The following ST6GALNAC3 variants were observed in gnomAD, a reference collection of about 807,000 sequenced individuals.
ST6GALNAC3 encodes alpha-N-acetylgalactosaminide alpha-2,6-sialyltransferase 3.
ST6GALNAC3 carries 25 observed loss-of-function variants against 32.7 expected under a neutral mutation model. The observed-to-expected ratio is 0.76, with a 90% confidence interval of 0.56 to 1.07. The LOEUF is 1.07. Ranked by LOEUF, ST6GALNAC3 falls within the 50% of genes least tolerant of loss-of-function variation. ST6GALNAC3 has a pLI of 0.00. For missense variants in ST6GALNAC3, 355 were observed against 382.4 expected, an observed-to-expected ratio of 0.93 and a Z score of 0.60; for synonymous variants, 129 against 133.1, an observed-to-expected ratio of 0.97 and a Z score of 0.21.
At chr1:76,214,790 T>G (rs891772154) in intron 1 of ST6GALNAC3, among the ~76,000 whole-genome samples, 3 of 152,180 alleles carry the variant, frequency 2.0e-5, no homozygotes, top group Admixed American at 1.3e-4. Flanking sequence ...GAAGAAATGG[T>G]TACTGGGTCG....
intron 3 of ST6GALNAC3, among the ~76,000 whole-genome samples, chr1:76,584,796 A>G (rs1311505821): frequency 1.3e-5 from 2 of 152,228 alleles, no homozygotes; most frequent in Non-Finnish European, 2.9e-5. Flanking sequence ...GGTTGAATTG[A>G]GCTTTCTCAA....
intron 1 of ST6GALNAC3, among the ~76,000 whole-genome samples, chr1:76,083,873 ATT>A (rs2100729682): frequency 6.6e-6 from 1 of 152,280 alleles, no homozygotes; most frequent in East Asian, 1.9e-4. Context: ...TTTGATTTGT[ATT>A]TTGATTTTAC....
intron 3 of ST6GALNAC3, among the ~76,000 whole-genome samples, chr1:76,439,995 G>A (rs1019472634): frequency 7.2e-5 from 11 of 152,184 alleles, no homozygotes; most frequent in South Asian, 2.1e-4. Context: ...ACGTGTTTAC[G>A]TATGTTACAT....
At chr1:76,154,534 C>T (rs886914025) in intron 1 of ST6GALNAC3, among the ~76,000 whole-genome samples, 5 of 152,180 alleles carry the variant, frequency 3.3e-5, no homozygotes, top group African/African-American at 1.2e-4. Context: ...GTTTGTGTTT[C>T]GTTAGTGAAA....
intron 1 of ST6GALNAC3, among the ~76,000 whole-genome samples, chr1:76,226,670 C>G (rs956498324): frequency 6.6e-6 from 1 of 152,036 alleles, no homozygotes; most frequent in African/African-American, 2.4e-5. Context: ...CATCTTACAT[C>G]GCAGGAGCAG....
intron 1 of ST6GALNAC3, among the ~76,000 whole-genome samples, chr1:76,105,037 A>G (rs1042766575): frequency 6.6e-6 from 1 of 152,196 alleles, no homozygotes; most frequent in African/African-American, 2.4e-5. Context: ...AATCATATCA[A>G]AAGTTTTATC....
chr1:76,530,165 T>C (rs927317381), intron 3 of ST6GALNAC3, among the ~76,000 whole-genome samples: 17 of 152,186 alleles, frequency 1.1e-4, no homozygotes, highest in African/African-American at 3.9e-4. Flanking sequence ...AGCAAAATGG[T>C]AGCTTTTATT....
intron 2 of ST6GALNAC3, among the ~76,000 whole-genome samples, chr1:76,376,114 T>TTA (rs577234468): frequency 4.4e-4 from 66 of 150,346 alleles, no homozygotes; most frequent in African/African-American, 1.1e-3. Context: ...TTTTTTTTTT[T>TTA]AAAAAAAGAA....
chr1:76,406,658 A>C (rs531856552), intron 2 of ST6GALNAC3, among the ~76,000 whole-genome samples: 1 of 152,206 alleles, frequency 6.6e-6, no homozygotes, highest in African/African-American at 2.4e-5. Context: ...AAAATAATTT[A>C]AATATAATAG....
chr1:76,208,342 G>T (rs1557697407), intron 1 of ST6GALNAC3, among the ~76,000 whole-genome samples: 2 of 152,204 alleles, frequency 1.3e-5, no homozygotes, highest in Non-Finnish European at 2.9e-5. Flanking sequence ...CACAAATTTA[G>T]CCACTGTTTG....
chr1:76,469,656 C>T (rs1179178724), intron 3 of ST6GALNAC3, among the ~76,000 whole-genome samples: 2 of 152,084 alleles, frequency 1.3e-5, no homozygotes, highest in Non-Finnish European at 2.9e-5. Context: ...TAAAGCCAAC[C>T]AGTCTAATGA....
At chr1:76,302,097 A>G (rs1660762291) in intron 1 of ST6GALNAC3, among the ~76,000 whole-genome samples, 1 of 152,044 alleles carries the variant, frequency 6.6e-6, no homozygotes, top group Non-Finnish European at 1.5e-5. Flanking sequence ...CAATGATACC[A>G]CCATATTTCA....
At chr1:76,508,992 A>C (rs1171392167) in intron 3 of ST6GALNAC3, among the ~76,000 whole-genome samples, 2 of 152,226 alleles carry the variant, frequency 1.3e-5, no homozygotes, top group African/African-American at 2.4e-5. Flanking sequence ...TTTACCAAGT[A>C]GGACAGAATA....
intron 1 of ST6GALNAC3, among the ~76,000 whole-genome samples, chr1:76,144,333 A>G (rs950716351): frequency 1.3e-5 from 2 of 152,206 alleles, no homozygotes; most frequent in East Asian, 1.9e-4. Flanking sequence ...GCAAGAAGCC[A>G]TAAGTTTCTT....
chr1:76,110,176 C>G (rs1328512495), intron 1 of ST6GALNAC3, among the ~76,000 whole-genome samples: 1 of 152,204 alleles, frequency 6.6e-6, no homozygotes, highest in Non-Finnish European at 1.5e-5. Flanking sequence ...GGAGAACTCT[C>G]ATATTTTCCA....
intron 2 of ST6GALNAC3, among the ~76,000 whole-genome samples, chr1:76,337,537 A>G (rs1246839796): frequency 6.6e-6 from 1 of 151,928 alleles, no homozygotes; most frequent in Non-Finnish European, 1.5e-5. Context: ...TTTAACCCCT[A>G]AAGTGTCAGG....
At chr1:76,148,543 G>A (rs1473563052) in intron 1 of ST6GALNAC3, among the ~76,000 whole-genome samples, 5 of 152,092 alleles carry the variant, frequency 3.3e-5, no homozygotes, top group African/African-American at 9.7e-5. Flanking sequence ...CCCTCCAAGA[G>A]AGTTCAGATA....
At position 76,412,127 on chromosome 1, in the gene ST6GALNAC3, CA is replaced by C; in HGVS notation, c.334del (p.Thr112ProfsTer11). ...SCIWRMNNAP[T>X]KGYEEDVGRM... ...GCATTTGGAGAATGAACAATGCCCCCACCAAAGGTTATGAAGAAGATGTCGG... is the reference window on the plus strand; with the variant it reads ...GCATTTGGAGAATGAACAATGCCCCCCCAAAGGTTATGAAGAAGATGTCGG... On this transcript the variant is annotated frameshift_variant, in exon 3 of 5. Coordinates refer to ENST00000328299, the MANE Select transcript of ST6GALNAC3 (RefSeq NM_152996.4). LOFTEE classifies it high-confidence loss of function. 1 of 1,613,698 alleles carries C rather than the reference CA, an allele frequency of 6.2e-7. No homozygotes were observed. Among genetic ancestry groups the C allele is most frequent in the African/African-American group, 1.3e-5 (1 of 74,980 alleles).
chr1:76,598,328 G>A, intron 3 of ST6GALNAC3, among the ~76,000 whole-genome samples: 1 of 152,064 alleles, frequency 6.6e-6, no homozygotes, highest in East Asian at 1.9e-4. Context: ...AATTCTTCCT[G>A]AGCACGTGCC....
Sources: allele counts gnomAD v4.1 joint callset (sites outside exome capture counted in the v4.1 genomes callset), GRCh38; gene constraint gnomAD v4.1.1; transcripts MANE v1.5; gene names NCBI Gene and HGNC (gene_info 2026-07-23, HGNC 2026-07-21).